Variants in TADA1 observed in about 807,000 individuals in gnomAD.
TADA1 encodes the protein transcriptional adaptor 1.
In TADA1, 23 loss-of-function variants were observed where a neutral mutation model predicts 39.3. That is an observed-to-expected ratio of 0.58 (90% CI 0.42 to 0.83). TADA1 has a LOEUF of 0.83. Among genes scored for constraint, TADA1 ranks in the 40% least tolerant of loss-of-function variants. TADA1 has a pLI of 0.00. For missense variants in TADA1, 352 were observed against 408.1 expected (o/e 0.86, Z 1.18); for synonymous variants, 137 against 151.8 (o/e 0.90, Z 0.72).
In TADA1 at chr1:166,876,232, ATTG is replaced by A. The variant is rs1323998072; in HGVS notation, c.-2_1del. ...CTCCAGCTCGCTCACAAAGGTCGCC[ATTG>A]CTCCGCGTGTCTCAGCCCGACCGCA... On this transcript the variant is annotated start_lost and 5_prime_UTR_variant, in exon 1 of 8. Transcript: ENST00000367874. 1 of 1,613,106 alleles carries A rather than the reference ATTG, an allele frequency of 6.2e-7. No homozygotes were observed. The highest frequency in any genetic ancestry group is 8.5e-7 in the Non-Finnish European group (1 of 1,179,704).
chr1:166,869,122 A>G, intron 3 of TADA1: 1 of 359,260 alleles, frequency 2.8e-6, no homozygotes, highest in South Asian at 3.3e-5. Context: ...CTCATTTGTG[A>G]ACAGACTTTT....
At chr1:166,873,155 C>T (rs1268137998) in intron 1 of TADA1, among the ~76,000 whole-genome samples, 1 of 152,020 alleles carries the variant, frequency 6.6e-6, no homozygotes, top group East Asian at 1.9e-4. Context: ...CCTGTAATCG[C>T]AGCTACTCAG....
intron 1 of TADA1, among the ~76,000 whole-genome samples, chr1:166,873,520 C>G (rs1029415171): frequency 6.6e-6 from 1 of 151,996 alleles, no homozygotes; most frequent in Admixed American, 6.6e-5. Context: ...TTTTGCCTAC[C>G]ACCGAGGACC....
intron 1 of TADA1, among the ~76,000 whole-genome samples, chr1:166,874,104 A>C (rs976520573): frequency 7.2e-5 from 11 of 151,896 alleles, no homozygotes; most frequent in Admixed American, 3.3e-4. Context: ...GCACTTTGGG[A>C]GGCCAAGGCG....
chr1:166,857,992 T>C, intron 7 of TADA1, 127 bp downstream of exon 7: 1 of 1,258,830 alleles, frequency 7.9e-7, no homozygotes. Flanking sequence ...ATAACGGCTT[T>C]TATAACAGAC....
chr1:166,869,725 A>G, intron 2 of TADA1, 38 bp downstream of exon 2: 1 of 1,585,172 alleles, frequency 6.3e-7, no homozygotes, highest in Non-Finnish European at 8.6e-7. Context: ...TAGGAAAACT[A>G]CAGAATAGTA....
At chr1:166,872,734 A>C (rs923260680) in intron 1 of TADA1, among the ~76,000 whole-genome samples, 1 of 152,100 alleles carries the variant, frequency 6.6e-6, no homozygotes, top group African/African-American at 2.4e-5. Flanking sequence ...CCATGAGTGA[A>C]GCCACCTGAG....
In TADA1 at chr1:166,862,289, C is replaced by G; in HGVS notation, c.454G>C (p.Glu152Gln). 1 of 1,614,174 alleles carries G rather than the reference C, an allele frequency of 6.2e-7. No individual in the cohort carries two copies. Among genetic ancestry groups the G allele is most frequent in the Non-Finnish European group, 8.5e-7 (1 of 1,180,028 alleles). The change falls in exon 5 of 8, where the codon GAA becomes CAA. Residue 152 changes from glutamate (E) to glutamine (Q), a missense_variant. Around this residue, in one of 3 missense-constraint regions of TADA1, gnomAD observed 285 missense variants for 310.9 expected, o/e 0.92. Coordinates refer to ENST00000367874, the MANE Select transcript of TADA1 (RefSeq NM_053053.4). ...TAAGCAGTCACTATCATTCTCCCTT[C>G]AAGCTGGCCTCGAGTGGGAAGCATC... ...TMMLPTRGQLEGRMIVTAYEH... is the reference protein window; with the variant it reads ...TMMLPTRGQLQGRMIVTAYEH...
At position 166,857,613 on chromosome 1, in the gene TADA1, A is replaced by G. The variant is rs1286380514; in HGVS notation, c.962T>C (p.Val321Ala). The G allele has an allele frequency of 6.2e-7, 1 of 1,614,058 alleles. No homozygotes were observed. The highest frequency in any genetic ancestry group is 8.5e-7 in the Non-Finnish European group (1 of 1,180,042). ...PNHEELQQDKVHRQRLAAKEG... is the reference protein window; with the variant it reads ...PNHEELQQDKAHRQRLAAKEG... Reference sequence around the variant, plus strand: ...CTTGGCTGCCAAGCGCTGGCGGTGAACTTTGTCTTGCTGCAGCTCTTCATG... The same window carrying G: ...CTTGGCTGCCAAGCGCTGGCGGTGAGCTTTGTCTTGCTGCAGCTCTTCATG... The change falls in exon 8 of 8, where the codon GTT becomes GCT. Residue 321 changes from valine (V) to alanine (A), a missense_variant. Physicochemically the swap from Val to Ala is moderately conservative, Grantham distance 64. Coordinates refer to ENST00000367874, the MANE Select transcript of TADA1 (RefSeq NM_053053.4).
chr1:166,863,208 A>G (rs920907267), intron 4 of TADA1: 2 of 152,448 alleles, frequency 1.3e-5, no homozygotes, highest in African/African-American at 4.8e-5. Context: ...ATGTCTCTCT[A>G]GAGATCCCAA....
chr1:166,874,113 C>A (rs577664869), intron 1 of TADA1, among the ~76,000 whole-genome samples: 12 of 151,728 alleles, frequency 7.9e-5, no homozygotes, highest in Non-Finnish European at 1.6e-4. Flanking sequence ...GAGGCCAAGG[C>A]GGGTGGCTCA....
chr1:166,861,064 C>T (rs551919783), intron 5 of TADA1, among the ~76,000 whole-genome samples: 1 of 152,210 alleles, frequency 6.6e-6, no homozygotes, highest in African/African-American at 2.4e-5. Context: ...GTGAAAAGAA[C>T]CTTGGCTCTC....
chr1:166,858,051 TTTGTAGAC>T (rs1311812330), intron 7 of TADA1, 60 bp downstream of exon 7: 1 of 1,579,980 alleles, frequency 6.3e-7, no homozygotes, highest in Non-Finnish European at 8.7e-7. Context: ...AGTGAATACC[TTTGTAGAC>T]TTAAAGAATC....
intron 7 of TADA1, 62 bp downstream of exon 7, chr1:166,858,057 G>T: frequency 1.3e-6 from 2 of 1,583,708 alleles, no homozygotes; most frequent in Non-Finnish European, 1.7e-6. Context: ...TACCTTTGTA[G>T]ACTTAAAGAA....
chr1:166,869,002 T>A (rs1257576796), intron 3 of TADA1: 1 of 205,546 alleles, frequency 4.9e-6, no homozygotes, highest in Non-Finnish European at 1.0e-5. Context: ...ACTTTACTGA[T>A]GTAGGAGCTG....
At chr1:166,857,999 A>T in intron 7 of TADA1, 120 bp downstream of exon 7, 1 of 1,300,726 alleles carries the variant, frequency 7.7e-7, no homozygotes. Context: ...CTTTTATAAC[A>T]GACAAAACTG....
chr1:166,869,942 T>C, intron 1 of TADA1, 88 bp from the exon 2 acceptor site: 1 of 1,121,206 alleles, frequency 8.9e-7, no homozygotes, highest in Non-Finnish European at 1.3e-6. Flanking sequence ...GAGACGGGGT[T>C]TTTTATTCTG....
Position 166,875,034 on chromosome 1 carries a change from AAAAG to A in TADA1, c.74+1122_74+1125del, listed in dbSNP as rs756504055. Among the ~76,000 whole-genome samples, 8 of 152,332 alleles carry A rather than the reference AAAAG, an allele frequency of 5.3e-5. No individual in the cohort carries two copies. The East Asian group carries it at 5.8e-4, about 11-fold the overall frequency. On this transcript the variant is annotated intron_variant, in intron 1 of 7. Coordinates refer to ENST00000367874, the MANE Select transcript of TADA1 (RefSeq NM_053053.4). The stretch of plus-strand genomic sequence containing the variant: ...TAATAATAAAGAACAGAGAAGGATG[AAAAG>A]AAAGTATTGGAGAAAAATTAAGTAT...
At chr1:166,865,903 T>C (rs1437260060) in intron 3 of TADA1, among the ~76,000 whole-genome samples, 1 of 150,222 alleles carries the variant, frequency 6.7e-6, no homozygotes, top group Non-Finnish European at 1.5e-5. Context: ...AATTTTGATA[T>C]TTTTGGAAAG....
Sources: gnomAD v4.1 joint callset for allele counts (sites outside exome capture counted in the v4.1 genomes callset) on GRCh38, gnomAD v4.1.1 for gene constraint, gnomAD v4.1.1 regional missense constraint, MANE v1.5 for transcripts, NCBI Gene and HGNC (gene_info 2026-07-23, HGNC 2026-07-21) for gene names.